BTBD9: variants seen among roughly 807,000 people sequenced by gnomAD.
BTBD9 encodes the protein BTB domain containing 9.
Under a neutral mutation model 64.3 loss-of-function variants are expected in BTBD9, and 49 were observed. The observed-to-expected ratio is 0.76, with a 90% CI of 0.61 to 0.97. BTBD9 has a LOEUF of 0.97. BTBD9 is among the 50% of genes least tolerant of loss of function. The pLI, the probability that BTBD9 is intolerant of heterozygous loss-of-function variation, is 0.00. For missense variants in BTBD9, 598 were observed against 762.1 expected (o/e 0.78, Z 2.53); for synonymous variants, 260 against 274.7 (o/e 0.95, Z 0.53).
chr6:38,521,070 G>A (rs74453515), intron 6 of BTBD9, among the ~76,000 whole-genome samples: 2,205 of 151,750 alleles, frequency 0.015, 51 homozygotes, highest in African/African-American at 0.05. Context: ...AGGGACACAG[G>A]AGCCCAACAG....
At chr6:38,493,595 G>A (rs1771799038) in intron 6 of BTBD9, among the ~76,000 whole-genome samples, 1 of 152,224 alleles carries the variant, frequency 6.6e-6, no homozygotes. Context: ...GTGATGTTAG[G>A]AGATTCCTGT....
intron 3 of BTBD9, 46 bp from the exon 4 acceptor site, chr6:38,592,886 C>T: frequency 1.3e-6 from 2 of 1,581,050 alleles, no homozygotes; most frequent in Non-Finnish European, 1.7e-6. Context: ...GAAGTTCAAC[C>T]ACTGCATGAC....
At chr6:38,423,989 AAATG>A in intron 6 of BTBD9, among the ~76,000 whole-genome samples, 1 of 152,100 alleles carries the variant, frequency 6.6e-6, no homozygotes, top group African/African-American at 2.4e-5. Flanking sequence ...CTTCTCCGCA[AAATG>A]AAAATAATCC....
chr6:38,287,009 G>A (rs1761754012), intron 8 of BTBD9, among the ~76,000 whole-genome samples: 1 of 145,736 alleles, frequency 6.9e-6, no homozygotes, highest in African/African-American at 2.5e-5. Flanking sequence ...TTGAACCTGG[G>A]AGGCAGAGGT....
At chr6:38,608,371 C>T (rs2127509282) in intron 1 of BTBD9, among the ~76,000 whole-genome samples, 1 of 152,266 alleles carries the variant, frequency 6.6e-6, no homozygotes, top group Non-Finnish European at 1.5e-5. Flanking sequence ...ATGATGAGCG[C>T]AGAGGTTATT....
intron 6 of BTBD9, among the ~76,000 whole-genome samples, chr6:38,560,741 C>G (rs971048525): frequency 1.3e-5 from 2 of 152,142 alleles, no homozygotes; most frequent in African/African-American, 4.8e-5. Context: ...CCACCCTCCC[C>G]GCTCAAGTAC....
At chr6:38,585,862 G>T (rs1776491886) in intron 4 of BTBD9, among the ~76,000 whole-genome samples, 1 of 151,096 alleles carries the variant, frequency 6.6e-6, no homozygotes, top group Admixed American at 6.6e-5. Flanking sequence ...AACAAACCAA[G>T]AAATATAATA....
chr6:38,385,649 G>A (rs1766127564), intron 6 of BTBD9, among the ~76,000 whole-genome samples: 1 of 152,024 alleles, frequency 6.6e-6, no homozygotes, highest in Admixed American at 6.6e-5. Context: ...TCAAATAAAT[G>A]GGGAGACAGG....
chr6:38,274,179 T>C (rs913099626), intron 8 of BTBD9, among the ~76,000 whole-genome samples: 14 of 152,178 alleles, frequency 9.2e-5, no homozygotes, highest in African/African-American at 3.1e-4. Flanking sequence ...GGCTCTCTGT[T>C]TGTCTGTTAT....
At chr6:38,541,022 A>C (rs1342199899) in intron 6 of BTBD9, among the ~76,000 whole-genome samples, 2 of 152,212 alleles carry the variant, frequency 1.3e-5, no homozygotes, top group Non-Finnish European at 2.9e-5. Flanking sequence ...GATGAGAAGG[A>C]CATCAAGTCA....
At position 38,522,474 on chromosome 6, in the gene BTBD9, C is replaced by T. The variant is rs560999982; in HGVS notation, c.1154+55126G>A. Among the ~76,000 whole-genome samples, 4 of 152,340 alleles carry T rather than the reference C, an allele frequency of 2.6e-5. No homozygotes were observed. In the East Asian group the frequency reaches 7.7e-4, roughly 29 times the overall value. On this transcript the variant is annotated intron_variant, in intron 6 of 10. Coordinates refer to ENST00000481247, the MANE Select transcript of BTBD9 (RefSeq NM_001099272.2). ...GTTTGTTCTGCAGCCTCTGACATCA[C>T]TGACTATGTGCTCTGTTTGCAAATG... is the stretch of plus-strand genomic sequence containing the variant.
chr6:38,242,896 C>G (rs1490994592), intron 9 of BTBD9, among the ~76,000 whole-genome samples: 1 of 152,164 alleles, frequency 6.6e-6, no homozygotes, highest in Non-Finnish European at 1.5e-5. Flanking sequence ...TTATTTCTTC[C>G]CTTTTCTGAA....
intron 8 of BTBD9, among the ~76,000 whole-genome samples, chr6:38,273,761 A>C (rs1173124022): frequency 1.3e-5 from 2 of 152,222 alleles, no homozygotes; most frequent in Admixed American, 6.5e-5. Flanking sequence ...GAAACAAAAA[A>C]TAAGGGTATC....
chr6:38,264,445 T>A (rs1442143280), intron 8 of BTBD9, among the ~76,000 whole-genome samples: 1 of 152,158 alleles, frequency 6.6e-6, no homozygotes, highest in African/African-American at 2.4e-5. Context: ...AAGGGAAACT[T>A]CAGCACTTTC....
rs190369834 is a variant in BTBD9 at position 38,181,163 on chromosome 6, C to T, written c.1642-5981G>A. Reference sequence around the variant, plus strand: ...AAAGCAGAAGCCTTTGCTAATTTTCCCAAGTTGGCCTAAGAGTCCACTGTG... The same window carrying T: ...AAAGCAGAAGCCTTTGCTAATTTTCTCAAGTTGGCCTAAGAGTCCACTGTG... On this transcript the variant is annotated intron_variant, in intron 10 of 10. Transcript: ENST00000481247. 5.9e-5 allele frequency among the ~76,000 whole-genome samples: 9 copies of T among 152,266 alleles called. No homozygotes were observed. The East Asian group carries it at 1.7e-3, about 29-fold the overall frequency.
chr6:38,256,111 G>A (rs1038883421), intron 9 of BTBD9, among the ~76,000 whole-genome samples: 2 of 151,650 alleles, frequency 1.3e-5, no homozygotes, highest in East Asian at 1.9e-4. Flanking sequence ...TGGCGGGGTG[G>A]GGGGTCTGAG....
intron 6 of BTBD9, among the ~76,000 whole-genome samples, chr6:38,385,202 T>A (rs913104352): frequency 6.7e-6 from 1 of 149,552 alleles, no homozygotes; most frequent in Non-Finnish European, 1.5e-5. Flanking sequence ...ACTTTTTTTT[T>A]TTCTTTTGAG....
chr6:38,277,048 A>G (rs755899274), intron 8 of BTBD9, among the ~76,000 whole-genome samples: 4 of 152,224 alleles, frequency 2.6e-5, no homozygotes, highest in East Asian at 3.8e-4. Flanking sequence ...ATAGTTAACT[A>G]AAGTAAAACG....
chr6:38,561,006 C>T (rs1484063462), intron 6 of BTBD9, among the ~76,000 whole-genome samples: 1 of 152,086 alleles, frequency 6.6e-6, no homozygotes, highest in Non-Finnish European at 1.5e-5. Context: ...AGGTTAATTC[C>T]ATGTCTTTGC....
Sources: allele counts gnomAD v4.1 joint callset (sites outside exome capture counted in the v4.1 genomes callset), GRCh38; gene constraint gnomAD v4.1.1; transcripts MANE v1.5; gene names NCBI Gene and HGNC (gene_info 2026-07-23, HGNC 2026-07-21).